The following LAIR1 variants were observed in gnomAD, a reference collection of about 807,000 sequenced individuals.
LAIR1 encodes the protein leukocyte associated immunoglobulin like receptor 1.
In LAIR1, 24 loss-of-function variants were observed where a neutral mutation model predicts 32.8. The ratio of observed to expected loss-of-function variants is 0.73; its 90% CI spans 0.53 to 1.03. The LOEUF (loss-of-function observed/expected upper bound fraction) is 1.03. LAIR1 is among the 50% of genes least tolerant of loss of function. The probability of loss-of-function intolerance (pLI) is 0.00; values close to 1 mark genes in which losing one functional copy is unlikely to be tolerated. For synonymous variants in LAIR1, 150 were observed against 140.5 expected (o/e 1.07, Z -0.48); for missense variants, 355 against 347.5 (o/e 1.02, Z -0.17).
At chr19:54,365,680 G>A (rs576196508), upstream of LAIR1, among the ~76,000 whole-genome samples, 5 of 152,084 alleles carry the variant, frequency 3.3e-5, no homozygotes, top group East Asian at 9.7e-4. Context: ...TACTTGGAAG[G>A]TTGAGGCAGG....
At chr19:54,371,682 C>G (rs927133353), upstream of LAIR1, among the ~76,000 whole-genome samples, 3 of 151,518 alleles carry the variant, frequency 2.0e-5, no homozygotes, top group African/African-American at 7.3e-5. Context: ...GCATCAATGT[C>G]TTCTTAATTC....
At chr19:54,365,273 A>G (rs772545787), upstream of LAIR1, among the ~76,000 whole-genome samples, 3 of 152,226 alleles carry the variant, frequency 2.0e-5, no homozygotes, top group Non-Finnish European at 4.4e-5. Flanking sequence ...ATTGTGATCT[A>G]TGCTAAAATC....
At chr19:54,367,421 C>T (rs2082288833), upstream of LAIR1, among the ~76,000 whole-genome samples, 1 of 152,134 alleles carries the variant, frequency 6.6e-6, no homozygotes, top group South Asian at 2.1e-4. Flanking sequence ...TAACAATAAA[C>T]CAACTAAAAC....
In LAIR1 at chr19:54,353,105, G is replaced by A. The variant is rs1417944423; in HGVS notation, c.*2163C>T. ...GAACCCGGGAGGCAGAGGTTGCAGT[G>A]AGCCAAGATTGTGCCATTGCACTCC... On this transcript the variant is annotated 3_prime_UTR_variant, in exon 10 of 10. Coordinates refer to ENST00000391742, the MANE Select transcript of LAIR1 (RefSeq NM_002287.6). 1.3e-5 allele frequency: 2 copies of A among 150,948 alleles called. No homozygotes were observed. Among genetic ancestry groups the A allele is most frequent in the Admixed American group, 1.3e-4 (2 of 15,044 alleles). The allele number at this position is 150,948 out of a possible 1,614,324, so 9.4% of individuals were successfully genotyped here.
At chr19:54,368,709 A>ATT (rs1348256498), upstream of LAIR1, 7 of 151,780 alleles carry the variant, frequency 4.6e-5, no homozygotes, top group African/African-American at 9.7e-5. Flanking sequence ...TTATTTATTT[A>ATT]TATATTTATT....
chr19:54,373,518 T>A (rs1175482697), upstream of LAIR1, among the ~76,000 whole-genome samples: 1 of 152,244 alleles, frequency 6.6e-6, no homozygotes, highest in Non-Finnish European at 1.5e-5. Context: ...CGCTTGGTGT[T>A]TGAGATTCAG....
chr19:54,359,636 C>G, intron 4 of LAIR1, among the ~76,000 whole-genome samples: 1 of 152,280 alleles, frequency 6.6e-6, no homozygotes, highest in Admixed American at 6.5e-5. Flanking sequence ...TCGGGCGAGC[C>G]CGGAAGTCTG....
At chr19:54,370,333 T>C (rs934866848) in exon 1 of LAIR1, 3 of 1,508,336 alleles carry the variant, frequency 2.0e-6, no homozygotes, top group South Asian at 1.2e-5. Context: ...ATCATCTTCA[T>C]AGGATTCCCG....
upstream of LAIR1, among the ~76,000 whole-genome samples, chr19:54,368,987 G>T (rs1364669973): frequency 6.6e-6 from 1 of 151,104 alleles, no homozygotes; most frequent in Non-Finnish European, 1.5e-5. Flanking sequence ...GCACCCGGCC[G>T]ACTAATTCAT....
the LAIR1 span, among the ~76,000 whole-genome samples, chr19:54,375,797 A>G: frequency 2.0e-5 from 3 of 151,862 alleles, no homozygotes; most frequent in South Asian, 6.2e-4. Context: ...GACGAGCCAC[A>G]CAAGTCAACG....
intron 5 of LAIR1, 73 bp downstream of exon 5, chr19:54,356,855 C>T: frequency 6.3e-7 from 1 of 1,574,842 alleles, no homozygotes; most frequent in Non-Finnish European, 8.7e-7. Context: ...CTGATCAACC[C>T]CAAAGCCTGA....
upstream of LAIR1, among the ~76,000 whole-genome samples, chr19:54,373,663 T>G (rs1317004193): frequency 2.6e-5 from 4 of 151,258 alleles, no homozygotes; most frequent in African/African-American, 9.7e-5. Flanking sequence ...AGAGTGGTGG[T>G]GCACACCTGT....
intron 2 of LAIR1, among the ~76,000 whole-genome samples, chr19:54,363,852 G>A (rs994128215): frequency 5.9e-5 from 9 of 152,132 alleles, no homozygotes; most frequent in Admixed American, 6.5e-5. Context: ...TAGCCAGGAC[G>A]AGTGAATTTT....
chr19:54,374,395 TC>T (rs2082468036), upstream of LAIR1, among the ~76,000 whole-genome samples: 1 of 152,004 alleles, frequency 6.6e-6, no homozygotes, highest in Admixed American at 6.6e-5. Flanking sequence ...GACGGCCTTC[TC>T]CCCTCCCAGT....
intron 3 of LAIR1, chr19:54,360,638 C>A (rs182546332): frequency 0.061 from 31,954 of 520,082 alleles, 1,247 homozygotes; most frequent in Non-Finnish European, 0.08. Context: ...ACCCACTCCC[C>A]ACCCAGCCAA....
At chr19:54,357,993 T>G (rs2081806151) in intron 4 of LAIR1, 1 of 150,226 alleles carries the variant, frequency 6.7e-6, no homozygotes, top group Admixed American at 6.6e-5. Context: ...GTATCATGTA[T>G]TATGCAAATG....
intron 2 of LAIR1, among the ~76,000 whole-genome samples, chr19:54,363,598 A>G (rs1433216672): frequency 1.3e-5 from 2 of 152,220 alleles, no homozygotes; most frequent in African/African-American, 4.8e-5. Context: ...TGTATATGCA[A>G]TGGAATATTA....
chr19:54,358,948 GAGA>G (rs2081870780), intron 4 of LAIR1, among the ~76,000 whole-genome samples: 1 of 151,954 alleles, frequency 6.6e-6, no homozygotes, highest in Admixed American at 6.5e-5. Context: ...GAGAAGGAAG[GAGA>G]AGAAGAGAGG....
chr19:54,354,707 G>A lies in LAIR1; in HGVS notation c.*561C>T, dbSNP rs1343189851. On this transcript the variant is annotated 3_prime_UTR_variant, in exon 10 of 10. Transcript: ENST00000391742. ...CCTTCAAAATTATTTATTGATGCGTGGAGTAAAGCACAACCCAGAGAACTG... is the reference window on the plus strand; with the variant it reads ...CCTTCAAAATTATTTATTGATGCGTAGAGTAAAGCACAACCCAGAGAACTG... The A allele has an allele frequency of 1.3e-5, 2 of 152,250 alleles. No homozygotes were observed. The highest frequency in any genetic ancestry group is 4.8e-5 in the African/African-American group (2 of 41,446). 9.4% of individuals were successfully genotyped at this position (152,250 alleles called of 1,614,324 possible). A position where few individuals can be genotyped will look rare whatever the true frequency, so the allele number is the denominator to read the frequency against.
Sources: allele counts gnomAD v4.1 joint callset (sites outside exome capture counted in the v4.1 genomes callset), GRCh38; gene constraint gnomAD v4.1.1; transcripts MANE v1.5; gene names NCBI Gene and HGNC (gene_info 2026-07-23, HGNC 2026-07-21).